The following SYNE1 variants were observed in gnomAD, a reference collection of about 807,000 sequenced individuals.
The protein encoded by SYNE1 is nesprin-1.
In SYNE1, 616 loss-of-function variants were observed where a neutral mutation model predicts 1,111.0. That is an observed-to-expected ratio of 0.55 (90% CI 0.52 to 0.59). SYNE1 has a LOEUF of 0.59. Among genes scored for constraint, SYNE1 ranks in the 20% least tolerant of loss-of-function variants. The probability of loss-of-function intolerance (pLI) is 0.00; values close to 1 mark genes in which losing one functional copy is unlikely to be tolerated. For synonymous variants in SYNE1, 3,855 were observed against 3,825.8 expected (o/e 1.01, Z -0.28); for missense variants, 10,006 against 10,417.0 (o/e 0.96, Z 1.72).
At chr6:152,628,781 G>A (rs535980751) in intron 2 of SYNE1, among the ~76,000 whole-genome samples, 19 of 152,172 alleles carry the variant, frequency 1.2e-4, no homozygotes, top group African/African-American at 4.1e-4. Flanking sequence ...ATAAAATTGG[G>A]TTGCTAAAAG....
At chr6:152,154,129 A>G (rs1000948570) in intron 133 of SYNE1, among the ~76,000 whole-genome samples, 3 of 152,150 alleles carry the variant, frequency 2.0e-5, no homozygotes, top group African/African-American at 7.2e-5. Flanking sequence ...GAAGGGAAAA[A>G]CACCTTCAAA....
At chr6:152,196,974 C>T (rs1464959948) in intron 127 of SYNE1, among the ~76,000 whole-genome samples, 2 of 152,116 alleles carry the variant, frequency 1.3e-5, no homozygotes, top group African/African-American at 2.4e-5. Context: ...GGGAGCTTCC[C>T]CTTTGGCTAG....
chr6:152,353,902 A>G (rs2096787638), intron 67 of SYNE1, among the ~76,000 whole-genome samples, 158 bp from the exon 68 acceptor site: 1 of 152,238 alleles, frequency 6.6e-6, no homozygotes, highest in African/African-American at 2.4e-5. Flanking sequence ...CATAAATATT[A>G]TATTACAACA....
intron 22 of SYNE1, among the ~76,000 whole-genome samples, chr6:152,457,174 A>G (rs1015857362): frequency 6.6e-6 from 1 of 150,616 alleles, no homozygotes; most frequent in Admixed American, 6.6e-5. Context: ...TAATAATAAT[A>G]ATGCTATCAG....
At chr6:152,433,590 G>A in intron 34 of SYNE1, 4 of 590,590 alleles carry the variant, frequency 6.8e-6, no homozygotes, top group Non-Finnish European at 1.2e-5. Flanking sequence ...GCACAAGTCA[G>A]ACAATGTGAA....
chr6:152,215,033 C>T lies in SYNE1; in HGVS notation c.22219G>A (p.Ala7407Thr), dbSNP rs575637225. 102 of 1,613,948 alleles carry T rather than the reference C, an allele frequency of 6.3e-5. No individual in the cohort carries two copies. Among genetic ancestry groups the T allele is most frequent in the Non-Finnish European group, 8.2e-5 (97 of 1,179,986 alleles). The change falls in exon 122 of 146, where the codon GCT (alanine) becomes ACT (threonine). Residue 7407 changes from alanine to threonine, a missense_variant. Physicochemically the swap from Ala to Thr is moderately conservative, Grantham distance 58. Transcript: ENST00000367255. ...TCATTTAGACGGTCTAAATCTGGAG[C>T]CATGCTGCTGAATTTTAACATCTGT... Reference protein sequence around the residue: ...KGQMLKFSSMAPDLDRLNELG... With the variant: ...KGQMLKFSSMTPDLDRLNELG...
At chr6:152,167,504 C>T (rs929421800) in intron 130 of SYNE1, among the ~76,000 whole-genome samples, 1 of 152,050 alleles carries the variant, frequency 6.6e-6, no homozygotes, top group African/African-American at 2.4e-5. Flanking sequence ...TGAAAAAAAT[C>T]ATGAACTAAA....
intron 3 of SYNE1, among the ~76,000 whole-genome samples, chr6:152,581,468 T>C (rs1003620377): frequency 1.3e-5 from 2 of 152,218 alleles, no homozygotes; most frequent in African/African-American, 2.4e-5. Flanking sequence ...AAGGATGATG[T>C]AGGGACTTCA....
At chr6:152,356,505 ATAATATATTAATATATAT>A (rs964512901) in intron 66 of SYNE1, among the ~76,000 whole-genome samples, 25 of 148,024 alleles carry the variant, frequency 1.7e-4, no homozygotes, top group Non-Finnish European at 3.3e-4. Context: ...ATGTGTGTAT[ATAATATATTAATATATAT>A]TAATATATTA....
chr6:152,582,017 C>A (rs1246328827), intron 3 of SYNE1, among the ~76,000 whole-genome samples: 3 of 152,076 alleles, frequency 2.0e-5, no homozygotes, highest in Non-Finnish European at 2.9e-5. Context: ...TTTTTCCAAT[C>A]TGGCCTCAAC....
chr6:152,437,727 C>T (rs528576814), intron 32 of SYNE1, among the ~76,000 whole-genome samples: 4 of 152,216 alleles, frequency 2.6e-5, no homozygotes, highest in African/African-American at 9.6e-5. Flanking sequence ...CTCACTTCTT[C>T]TCATGTAAGA....
At position 152,505,487 on chromosome 6, in the gene SYNE1, A is replaced by G. The variant is rs991605073; in HGVS notation, c.582-90T>C. On this transcript the variant is annotated intron_variant, in intron 8 of 145. Coordinates refer to ENST00000367255, the MANE Select transcript of SYNE1 (RefSeq NM_182961.4). Reference sequence around the variant, plus strand: ...CCTCATGCAAAATCCAGTGCTTTTCACCAACGATATGCAGAGAGCTGTATC... The same window carrying G: ...CCTCATGCAAAATCCAGTGCTTTTCGCCAACGATATGCAGAGAGCTGTATC... 2.9e-6 allele frequency: 4 copies of G among 1,399,438 alleles called. No homozygotes were observed. The African/African-American group carries it at 5.7e-5, about 20-fold the overall frequency. 86.7% of individuals were successfully genotyped at this position (1,399,438 alleles called of 1,614,324 possible). A position where few individuals can be genotyped will look rare whatever the true frequency, so the allele number is the denominator to read the frequency against.
chr6:152,528,286 C>T (rs992906498), intron 4 of SYNE1, among the ~76,000 whole-genome samples: 1 of 151,958 alleles, frequency 6.6e-6, no homozygotes, highest in Non-Finnish European at 1.5e-5. Context: ...CTATTGCTGG[C>T]TTGCTGGCTG....
At chr6:152,373,817 T>A (rs1341381921) in intron 58 of SYNE1, among the ~76,000 whole-genome samples, 7 of 152,182 alleles carry the variant, frequency 4.6e-5, no homozygotes, top group Non-Finnish European at 7.3e-5. Flanking sequence ...TAAAATAAAC[T>A]CTGGCTAAGA....
chr6:152,224,685 G>A (rs2081039302), intron 116 of SYNE1, 21 bp from the exon 117 acceptor site: 1 of 1,608,614 alleles, frequency 6.2e-7, no homozygotes, highest in East Asian at 2.2e-5. Flanking sequence ...AGACAAATAT[G>A]GCTTATAATT....
chr6:152,316,730 C>A, intron 87 of SYNE1, 119 bp downstream of exon 87: 1 of 1,194,916 alleles, frequency 8.4e-7, no homozygotes. Flanking sequence ...CCTTAGCATT[C>A]TTTTTATCTG....
intron 96 of SYNE1, 34 bp from the exon 97 acceptor site, chr6:152,282,014 G>T: frequency 6.2e-7 from 1 of 1,604,284 alleles, no homozygotes; most frequent in Non-Finnish European, 8.5e-7. Context: ...TATAGATCAC[G>T]CTAAGGTAAA....
intron 3 of SYNE1, among the ~76,000 whole-genome samples, chr6:152,586,847 A>G (rs2099541143): frequency 6.6e-6 from 1 of 152,182 alleles, no homozygotes; most frequent in South Asian, 2.1e-4. Flanking sequence ...AGACTCCCCC[A>G]TTTGGTAACA....
At chr6:152,334,335 G>A (rs899457549) in intron 76 of SYNE1, 62 bp from the exon 77 acceptor site, 2 of 1,575,972 alleles carry the variant, frequency 1.3e-6, no homozygotes, top group African/African-American at 2.7e-5. Flanking sequence ...TAAATATAGA[G>A]AGCAACACAG....
Sources: gnomAD v4.1 joint callset for allele counts (sites outside exome capture counted in the v4.1 genomes callset) on GRCh38, gnomAD v4.1.1 for gene constraint, MANE v1.5 for transcripts, NCBI Gene and HGNC (gene_info 2026-07-23, HGNC 2026-07-21) for gene names.